WDR20: variants seen among roughly 807,000 people sequenced by gnomAD.
WDR20 encodes the protein WD repeat-containing protein 20.
Under a neutral mutation model 38.7 loss-of-function variants are expected in WDR20, and 3 were observed. That is an observed-to-expected ratio of 0.08 (90% CI 0.04 to 0.20). WDR20 has a LOEUF of 0.20. WDR20 is among the 10% of genes least tolerant of loss of function. WDR20 has a pLI of 1.00. For missense variants in WDR20, 559 were observed against 727.7 expected, an observed-to-expected ratio of 0.77 and a Z score of 2.67; for synonymous variants, 298 against 285.6, an observed-to-expected ratio of 1.04 and a Z score of -0.44.
chr14:102,142,300 T>G (rs928012641), intron 1 of WDR20, among the ~76,000 whole-genome samples: 4 of 152,204 alleles, frequency 2.6e-5, no homozygotes, highest in Non-Finnish European at 5.9e-5. Flanking sequence ...TGAGTTGGCA[T>G]TTATTTGTTG....
chr14:102,148,082 C>G (rs182799579), intron 1 of WDR20, among the ~76,000 whole-genome samples: 6 of 152,270 alleles, frequency 3.9e-5, no homozygotes, highest in African/African-American at 1.4e-4. Flanking sequence ...AATTTAGTAT[C>G]TCAGAGAATA....
At chr14:102,200,460 TTTTTTTTTGTGTG>T (rs1191065198) in intron 2 of WDR20, among the ~76,000 whole-genome samples, 6 of 109,226 alleles carry the variant, frequency 5.5e-5, no homozygotes, top group Non-Finnish European at 8.0e-5. Flanking sequence ...TTTTTAAATT[TTTTTTTTTGTGTG>T]TGTGTGTGTG....
chr14:102,212,473 C>G (rs2062669527), downstream of WDR20: 4 of 1,531,992 alleles, frequency 2.6e-6, 1 homozygote, highest in South Asian at 2.4e-5. Context: ...GGCGACACCA[C>G]TCTGTGTCCA....
chr14:102,177,722 CT>C (rs1361267199), intron 1 of WDR20, among the ~76,000 whole-genome samples: 22 of 152,318 alleles, frequency 1.4e-4, no homozygotes, highest in African/African-American at 5.3e-4. Flanking sequence ...TCTGGAAAGT[CT>C]TCAGGCTTCC....
intron 1 of WDR20, among the ~76,000 whole-genome samples, chr14:102,166,098 TC>T (rs2059721455): frequency 2.0e-5 from 3 of 151,268 alleles, no homozygotes; most frequent in Admixed American, 2.0e-4. Flanking sequence ...CTCAAGTGAT[TC>T]CCCCATCCCC....
At chr14:102,148,932 C>T (rs961314048) in intron 1 of WDR20, among the ~76,000 whole-genome samples, 7 of 152,056 alleles carry the variant, frequency 4.6e-5, no homozygotes, top group South Asian at 2.1e-4. Flanking sequence ...GAGGCCGAGG[C>T]GGGCGGATCA....
At chr14:102,155,365 C>G (rs956540791) in intron 1 of WDR20, among the ~76,000 whole-genome samples, 7 of 152,194 alleles carry the variant, frequency 4.6e-5, no homozygotes, top group African/African-American at 1.7e-4. Flanking sequence ...TGCTAATTGA[C>G]TGCTGTTTTC....
At chr14:102,170,623 TA>T (rs34007594) in intron 1 of WDR20, among the ~76,000 whole-genome samples, 170 of 146,480 alleles carry the variant, frequency 1.2e-3, no homozygotes, top group Middle Eastern at 3.5e-3. Context: ...TTCTGGTCTT[TA>T]AAAAAAAAAA....
At chr14:102,168,347 T>C (rs2060155379) in intron 1 of WDR20, among the ~76,000 whole-genome samples, 1 of 151,966 alleles carries the variant, frequency 6.6e-6, no homozygotes. Context: ...TGTAGAAAAT[T>C]GGAAAACTCA....
chr14:102,212,198 G>T (rs932582983), downstream of WDR20, among the ~76,000 whole-genome samples: 1 of 152,200 alleles, frequency 6.6e-6, no homozygotes, highest in Non-Finnish European at 1.5e-5. Context: ...CCCACCTCCA[G>T]TTTTAAACAC....
chr14:102,162,912 C>T (rs1196329948), intron 1 of WDR20, among the ~76,000 whole-genome samples: 1 of 152,138 alleles, frequency 6.6e-6, no homozygotes, highest in East Asian at 1.9e-4. Flanking sequence ...TTGCCAGGCC[C>T]TTAGATAATC....
downstream of WDR20, chr14:102,214,407 A>T: frequency 1.0e-6 from 1 of 985,418 alleles, no homozygotes; most frequent in Non-Finnish European, 1.2e-6. Flanking sequence ...ATGTAAAAGC[A>T]CTCGTATGCA....
At chr14:102,210,806 T>TAAAGCCTGAGACTCCCC (rs912123193), downstream of WDR20, among the ~76,000 whole-genome samples, 7 of 152,180 alleles carry the variant, frequency 4.6e-5, no homozygotes, top group African/African-American at 1.4e-4. Flanking sequence ...CTTTGTTTCG[T>TAAAGCCTGAGACTCCCC]AAAGCCTGAG....
At chr14:102,194,888 C>T (rs1345414170) in intron 1 of WDR20, 50 bp from the exon 2 acceptor site, 1 of 1,550,102 alleles carries the variant, frequency 6.5e-7, no homozygotes, top group Non-Finnish European at 8.8e-7. Context: ...ACTTAGATTT[C>T]TCATCTCAAT....
intron 1 of WDR20, among the ~76,000 whole-genome samples, chr14:102,154,350 G>A (rs188899450): frequency 1.6e-4 from 25 of 152,270 alleles, no homozygotes; most frequent in Middle Eastern, 6.8e-3. Flanking sequence ...TCTCTTTCTG[G>A]TTGGTGTCTA....
rs756428626 is a variant in WDR20, at chr14:102,209,126, TAGA to T, written c.962_964del (p.Glu321del). 1 of 1,614,082 alleles carries T rather than the reference TAGA, an allele frequency of 6.2e-7. No homozygotes were observed. The highest frequency in any genetic ancestry group is 1.7e-5 in the Admixed American group (1 of 60,014). On this transcript the variant is annotated inframe_deletion, in exon 3 of 3. Transcript: ENST00000342702. The surrounding 1 kb of genome is among the most constrained non-coding windows in gnomAD (Gnocchi z 6.0). ...GCGTTTGACCCTTATACCACTAGTG[TAGA>T]AGAAGGTGACCCTATGGAGTTTAGT...
Position 102,208,870 on chromosome 14 carries a change from T to C in WDR20, c.700T>C (p.Phe234Leu). The change falls in exon 3 of 3, where the codon TTC (phenylalanine) becomes CTC (leucine). Residue 234 changes from phenylalanine (F) to leucine (L), a missense_variant. Physicochemically the swap from Phe to Leu is conservative, Grantham distance 22. Coordinates refer to ENST00000342702, the MANE Select transcript of WDR20 (RefSeq NM_144574.4). This position sits in a 1 kb window ranked among gnomAD's most constrained non-coding sequence, Gnocchi z 5.6. ...GTTTGCTTTCTCCCCAGATGGCAAG[T>C]TCTTAGCGTGCGTGAGCCAGGACGG... Reference protein sequence around the residue: ...NEFAFSPDGKFLACVSQDGFL... With the variant: ...NEFAFSPDGKLLACVSQDGFL... 1 of 1,614,228 alleles carries C rather than the reference T, an allele frequency of 6.2e-7. No individual in the cohort carries two copies. Among genetic ancestry groups the C allele is most frequent in the African/African-American group, 1.3e-5 (1 of 75,058 alleles).
chr14:102,176,739 AT>A (rs201258040), intron 1 of WDR20, among the ~76,000 whole-genome samples: 49 of 144,560 alleles, frequency 3.4e-4, no homozygotes, highest in Non-Finnish European at 3.4e-4. Flanking sequence ...ATTGGTGCCA[AT>A]TTTTTTTTTT....
chr14:102,194,900 T>G, intron 1 of WDR20, 38 bp from the exon 2 acceptor site: 1 of 1,586,736 alleles, frequency 6.3e-7, no homozygotes, highest in Non-Finnish European at 8.6e-7. Flanking sequence ...CATCTCAATG[T>G]GCTGTTTACT....
Sources: gnomAD v4.1 joint callset for allele counts (sites outside exome capture counted in the v4.1 genomes callset) on GRCh38, gnomAD v4.1.1 for gene constraint, Gnocchi (gnomAD v3.1) non-coding constraint, MANE v1.5 for transcripts, NCBI Gene and HGNC (gene_info 2026-07-23, HGNC 2026-07-21) for gene names.